Variants in PCSK5 observed in about 807,000 individuals in gnomAD.
The protein encoded by PCSK5 is prohormone convertase 5.
A neutral mutation model predicts 233.2 loss-of-function variants in PCSK5; 129 were observed. That is an observed-to-expected ratio of 0.55 (90% CI 0.48 to 0.64). The LOEUF (loss-of-function observed/expected upper bound fraction) is 0.64. Ranked by LOEUF, PCSK5 falls within the 30% of genes least tolerant of loss-of-function variation. PCSK5 has a pLI of 0.00. For missense variants in PCSK5, 2,076 were observed against 2,430.1 expected, an observed-to-expected ratio of 0.85 and a Z score of 3.06; for synonymous variants, 825 against 879.2, an observed-to-expected ratio of 0.94 and a Z score of 1.09.
chr9:76,063,955 A>G lies in PCSK5; in HGVS notation c.633-4000A>G, dbSNP rs1318343557. 1.5e-4 allele frequency among the ~76,000 whole-genome samples: 10 copies of G among 68,038 alleles called. 1 individual carries two copies. Among genetic ancestry groups the G allele is most frequent in the African/African-American group, 4.2e-4 (4 of 9,506 alleles). 44.6% of individuals were successfully genotyped at this position (68,038 alleles called of 152,430 possible). ...CCAGACGGGGCGCCTGGCCGGGCGG[A>G]GGGCTGACCCCCCCACCTCCCTCCC... On this transcript the variant is annotated intron_variant, in intron 5 of 37. Transcript: ENST00000674117.
Position 75,932,615 on chromosome 9 carries a change from GT to G in PCSK5, c.297+133del, listed in dbSNP as rs1283872048. 2.0e-4 allele frequency: 131 copies of G among 639,422 alleles called. No individual in the cohort carries two copies. The Admixed American group carries it at 3.3e-3, about 16-fold the overall frequency. The allele number at this position is 639,422 out of a possible 1,614,324, so 39.6% of individuals were successfully genotyped here. The stretch of plus-strand genomic sequence containing the variant: ...AACTGTCATATTATCCTTTGGTCTA[GT>G]GTCTATGCTTCCTCTTTAGACAAAA... On this transcript the variant is annotated intron_variant, in intron 2 of 37. Coordinates refer to ENST00000674117, the MANE Select transcript of PCSK5 (RefSeq NM_001372043.1).
chr9:76,351,427 C>G (rs548557310), intron 36 of PCSK5, among the ~76,000 whole-genome samples: 1 of 106,752 alleles, frequency 9.4e-6, no homozygotes, highest in African/African-American at 3.7e-5. Flanking sequence ...AAACCGCCCC[C>G]CCCTGCAATG....
Position 75,891,335 on chromosome 9 carries a change from C to T in PCSK5, c.154C>T (p.Arg52Cys), listed in dbSNP as rs1304966454. ...KIAGGFPEAN[R>C]IASKYGFINI... ...CGCCGGGGGCTTCCCGGAGGCCAAC[C>T]GTATCGCCAGCAAGTACGGATTCAT... Residue 52 changes from arginine to cysteine, a missense_variant, in exon 1 of 38, where the codon CGT becomes TGT. By Grantham distance (180) the Arg-to-Cys change is radical. Transcript: ENST00000674117. 1.3e-6 allele frequency: 2 copies of T among 1,563,804 alleles called. No individual in the cohort carries two copies. Among genetic ancestry groups the T allele is most frequent in the Non-Finnish European group, 1.7e-6 (2 of 1,158,412 alleles).
chr9:76,027,385 T>A (rs1460619894), intron 5 of PCSK5, among the ~76,000 whole-genome samples: 1 of 152,034 alleles, frequency 6.6e-6, no homozygotes, highest in African/African-American at 2.4e-5. Context: ...AAGAATTATT[T>A]TGTTCTGTTA....
At chr9:76,162,827 T>C (rs1303421396) in intron 12 of PCSK5, among the ~76,000 whole-genome samples, 1 of 152,178 alleles carries the variant, frequency 6.6e-6, no homozygotes, top group African/African-American at 2.4e-5. Flanking sequence ...TAGGGGTGAT[T>C]CTTTTCATCC....
intron 24 of PCSK5, among the ~76,000 whole-genome samples, chr9:76,263,163 C>T (rs1416726035): frequency 1.3e-5 from 2 of 151,978 alleles, no homozygotes; most frequent in Admixed American, 1.3e-4. Flanking sequence ...AATAGGAACA[C>T]TTTTACACTG....
chr9:75,944,870 G>C (rs1478513138), intron 2 of PCSK5, among the ~76,000 whole-genome samples: 1 of 152,096 alleles, frequency 6.6e-6, no homozygotes, highest in Non-Finnish European at 1.5e-5. Flanking sequence ...AGCACATTGG[G>C]AGGCCTAGGC....
intron 20 of PCSK5, among the ~76,000 whole-genome samples, chr9:76,192,898 G>A (rs1824477277): frequency 1.3e-5 from 2 of 151,232 alleles, no homozygotes. Flanking sequence ...ATAAATGACT[G>A]TATACTCTCT....
intron 35 of PCSK5, among the ~76,000 whole-genome samples, chr9:76,339,840 G>A (rs561792297): frequency 6.6e-6 from 1 of 152,178 alleles, no homozygotes; most frequent in East Asian, 1.9e-4. Context: ...ACCGCACCCG[G>A]CCAATAAATG....
At chr9:76,237,947 G>C (rs910197443) in intron 22 of PCSK5, among the ~76,000 whole-genome samples, 11 of 152,214 alleles carry the variant, frequency 7.2e-5, no homozygotes, top group African/African-American at 2.7e-4. Context: ...CATGGGGTTA[G>C]TGCTATCTTT....
chr9:76,114,610 T>C (rs930624862), intron 9 of PCSK5, among the ~76,000 whole-genome samples: 1 of 152,120 alleles, frequency 6.6e-6, no homozygotes, highest in East Asian at 1.9e-4. Flanking sequence ...AAGAAACATG[T>C]TGGATAGTTG....
chr9:75,947,255 C>T (rs138379265), intron 2 of PCSK5, among the ~76,000 whole-genome samples: 48 of 151,864 alleles, frequency 3.2e-4, no homozygotes, highest in Admixed American at 2.5e-3. Flanking sequence ...CCTTCTAAGA[C>T]GACAACAACA....
intron 5 of PCSK5, among the ~76,000 whole-genome samples, chr9:76,037,473 A>G (rs973415397): frequency 6.6e-6 from 1 of 152,342 alleles, no homozygotes; most frequent in Middle Eastern, 3.4e-3. Context: ...ATATTATTAC[A>G]GGTGACAGTA....
chr9:75,988,221 T>C (rs559270160), intron 3 of PCSK5, among the ~76,000 whole-genome samples: 1 of 152,342 alleles, frequency 6.6e-6, no homozygotes, highest in Non-Finnish European at 1.5e-5. Context: ...ATACATAACA[T>C]TTATTGAGCA....
intron 20 of PCSK5, among the ~76,000 whole-genome samples, chr9:76,200,132 C>T (rs914466422): frequency 6.6e-6 from 1 of 152,178 alleles, no homozygotes; most frequent in Non-Finnish European, 1.5e-5. Flanking sequence ...AATCAGTTCC[C>T]TACACAGCAT....
At chr9:76,291,335 T>C (rs1341963639) in intron 24 of PCSK5, among the ~76,000 whole-genome samples, 1 of 152,230 alleles carries the variant, frequency 6.6e-6, no homozygotes, top group Non-Finnish European at 1.5e-5. Context: ...TGATATAGTT[T>C]TATTTTGTTA....
At chr9:76,025,017 A>G (rs1005951393) in intron 4 of PCSK5, among the ~76,000 whole-genome samples, 3 of 152,054 alleles carry the variant, frequency 2.0e-5, no homozygotes, top group Non-Finnish European at 2.9e-5. Flanking sequence ...CATTAGATAC[A>G]CTCTGAAGCC....
chr9:76,103,669 G>A (rs1054198858), intron 8 of PCSK5, among the ~76,000 whole-genome samples: 1 of 152,154 alleles, frequency 6.6e-6, no homozygotes. Context: ...ACATAGTGGA[G>A]TCCAAAAAAC....
intron 1 of PCSK5, among the ~76,000 whole-genome samples, chr9:75,925,312 G>T (rs774134844): frequency 6.6e-6 from 1 of 152,172 alleles, no homozygotes; most frequent in Non-Finnish European, 1.5e-5. Flanking sequence ...GGCTATAAAA[G>T]AATGAGCAGG....
Sources: allele counts gnomAD v4.1 joint callset (sites outside exome capture counted in the v4.1 genomes callset), GRCh38; gene constraint gnomAD v4.1.1; transcripts MANE v1.5; gene names NCBI Gene and HGNC (gene_info 2026-07-23, HGNC 2026-07-21).